ZNF678: variants seen among roughly 807,000 people sequenced by gnomAD.
ZNF678 encodes hypothetical protein MGC42493.
Under a neutral mutation model 3.0 loss-of-function variants are expected in ZNF678, and 5 were observed. The observed-to-expected ratio is 1.69, with a 90% CI of 0.88 to 3.56. The LOEUF is 3.56. Among genes scored for constraint, ZNF678 ranks in the 30% most tolerant of loss-of-function variants. The probability of loss-of-function intolerance (pLI) is 0.00; values close to 1 mark genes in which losing one functional copy is unlikely to be tolerated. For missense variants in ZNF678, 593 were observed against 605.0 expected (o/e 0.98, Z 0.21); for synonymous variants, 218 against 199.6 (o/e 1.09, Z -0.78).
intron 1 of ZNF678, among the ~76,000 whole-genome samples, chr1:227,643,620 C>G (rs746868208): frequency 1.3e-5 from 2 of 152,028 alleles, no homozygotes; most frequent in Non-Finnish European, 1.5e-5. Context: ...AAATGGGAGC[C>G]GAAGACTATA....
chr1:227,650,581 C>A (rs974164742), intron 2 of ZNF678, among the ~76,000 whole-genome samples: 3 of 152,108 alleles, frequency 2.0e-5, no homozygotes, highest in African/African-American at 7.2e-5. Flanking sequence ...GATAATATGA[C>A]ACTTTACAAT....
In ZNF678 at chr1:227,661,434, C is replaced by G. The variant is rs557123679; in HGVS notation, c.*5606C>G. ...GGACTTGTTTTTGATATGCTTTTCC[C>G]AACAATAAGGGACATGAGTCATTGG... On this transcript the variant is annotated 3_prime_UTR_variant, in exon 4 of 4. Transcript: ENST00000343776. 1.3e-5 allele frequency: 2 copies of G among 152,028 alleles called. No individual in the cohort carries two copies. Among genetic ancestry groups the G allele is most frequent in the East Asian group, 3.9e-4 (2 of 5,174 alleles). 9.4% of individuals were successfully genotyped at this position (152,028 alleles called of 1,614,324 possible). A position where few individuals can be genotyped will look rare whatever the true frequency, so the allele number is the denominator to read the frequency against.
intron 1 of ZNF678, among the ~76,000 whole-genome samples, chr1:227,586,024 A>C (rs1303082546): frequency 6.6e-6 from 1 of 152,114 alleles, no homozygotes; most frequent in Non-Finnish European, 1.5e-5. Flanking sequence ...TCCACTTTTC[A>C]GCAATAAAAA....
Position 227,655,583 on chromosome 1 carries a change from T to C in ZNF678, c.1333T>C (p.Ser445Pro), listed in dbSNP as rs1659221599. 1 of 1,612,356 alleles carries C rather than the reference T, an allele frequency of 6.2e-7. No individual in the cohort carries two copies. Among genetic ancestry groups the C allele is most frequent in the Non-Finnish European group, 8.5e-7 (1 of 1,179,226 alleles). ...AGAATGTGGCAAAGCTTTTTACCAA[T>C]CCTCAATCCTTAGTAAGCATAAGAG... ...CKECGKAFYQ[S>P]SILSKHKRIH... The change falls in exon 4 of 4, where the codon TCC (serine) becomes CCC (proline). Residue 445 changes from serine (S) to proline (P), a missense_variant. Ser to Pro is a moderately conservative substitution (Grantham distance 74). Coordinates refer to ENST00000343776, the MANE Select transcript of ZNF678 (RefSeq NM_001367909.1).
At chr1:227,664,579 T>C (rs1285104742), downstream of ZNF678, among the ~76,000 whole-genome samples, 1 of 152,014 alleles carries the variant, frequency 6.6e-6, no homozygotes, top group African/African-American at 2.4e-5. Flanking sequence ...ATGCCTGCAT[T>C]GTTGGAAAGC....
chr1:227,670,380 A>C (rs1382753255), intron 5 of ZNF678, among the ~76,000 whole-genome samples: 1 of 152,224 alleles, frequency 6.6e-6, no homozygotes, highest in Non-Finnish European at 1.5e-5. Context: ...GTGTAATTTG[A>C]ACCAAACATT....
downstream of ZNF678, among the ~76,000 whole-genome samples, chr1:227,665,099 A>T (rs1659480053): frequency 6.6e-6 from 1 of 152,200 alleles, no homozygotes; most frequent in Non-Finnish European, 1.5e-5. Context: ...GGTACAAATG[A>T]GACAAAACTC....
intron 1 of ZNF678, among the ~76,000 whole-genome samples, chr1:227,616,826 A>G (rs943843234): frequency 1.2e-4 from 18 of 152,210 alleles, no homozygotes; most frequent in African/African-American, 3.6e-4. Context: ...AGCTGATTAT[A>G]GGGTACCCCC....
chr1:227,566,655 T>G (rs1656694536), intron 1 of ZNF678, among the ~76,000 whole-genome samples: 1 of 152,242 alleles, frequency 6.6e-6, no homozygotes, highest in Non-Finnish European at 1.5e-5. Context: ...TTAAAAAGAT[T>G]TGTTCACTTA....
chr1:227,602,713 T>C (rs1408459059), intron 1 of ZNF678, among the ~76,000 whole-genome samples: 1 of 152,250 alleles, frequency 6.6e-6, no homozygotes, highest in Non-Finnish European at 1.5e-5. Flanking sequence ...TTCCTCCTCC[T>C]AGCACTTTCC....
intron 1 of ZNF678, among the ~76,000 whole-genome samples, chr1:227,564,240 T>C (rs923670394): frequency 3.9e-4 from 59 of 152,232 alleles, no homozygotes; most frequent in African/African-American, 1.4e-3. Context: ...TTGACGACAG[T>C]TACAGTCACC....
At chr1:227,580,361 G>A (rs572189304) in intron 1 of ZNF678, among the ~76,000 whole-genome samples, 4 of 152,074 alleles carry the variant, frequency 2.6e-5, no homozygotes, top group Admixed American at 2.6e-4. Flanking sequence ...ACTTTCATTA[G>A]TCATACTTTC....
At chr1:227,622,508 G>C (rs1658305525) in intron 1 of ZNF678, among the ~76,000 whole-genome samples, 1 of 152,152 alleles carries the variant, frequency 6.6e-6, no homozygotes, top group African/African-American at 2.4e-5. Flanking sequence ...ACTCGCGTTT[G>C]GCTCAGAATA....
chr1:227,563,590 GTATTCTCGGC>G lies in ZNF678; in HGVS notation c.-293_-284del. The G allele has an allele frequency of 1.1e-6, 1 of 951,758 alleles. No individual in the cohort carries two copies. The highest frequency in any genetic ancestry group is 1.4e-5 in the South Asian group (1 of 74,026). 59.0% of individuals were successfully genotyped at this position (951,758 alleles called of 1,614,324 possible). On this transcript the variant is annotated 5_prime_UTR_variant, in exon 1 of 4. Transcript: ENST00000343776. ...GTGCTCCAGCTGGAGCTTTGGTCCC[GTATTCTCGGC>G]TATTTATCCCCAGCTGCGGGAGGCC...
rs12118294 is a variant in ZNF678 at position 227,601,587 on chromosome 1, C to A, written c.-164+37863C>A. ...TATTTTTATTTTATTTTTTTTGAGA[C>A]GGAGTCTCACTCTGCTGGCCAGGCT... On this transcript the variant is annotated intron_variant, in intron 1 of 3. Coordinates refer to ENST00000343776, the MANE Select transcript of ZNF678 (RefSeq NM_001367909.1). Among the ~76,000 whole-genome samples the A allele has an allele frequency of 2.0e-5, 3 of 150,648 alleles. No individual in the cohort carries two copies. In the East Asian group the frequency reaches 5.8e-4, roughly 29 times the overall value.
At chr1:227,598,853 A>G in intron 1 of ZNF678, 1 of 619,816 alleles carries the variant, frequency 1.6e-6, no homozygotes, top group Non-Finnish European at 3.0e-6. Flanking sequence ...AAGAAGATGA[A>G]TACCTACCAA....
At chr1:227,647,080 C>A (rs902824212) in intron 2 of ZNF678, among the ~76,000 whole-genome samples, 3 of 150,370 alleles carry the variant, frequency 2.0e-5, no homozygotes, top group Admixed American at 6.7e-5. Flanking sequence ...TGGTGAAACC[C>A]CATTTCTACT....
chr1:227,666,814 G>T (rs192111752), downstream of ZNF678, among the ~76,000 whole-genome samples: 7 of 134,634 alleles, frequency 5.2e-5, no homozygotes, highest in Admixed American at 2.5e-4. Context: ...GCAGGATCTT[G>T]GCTCACTCCA....
chr1:227,654,663 C>T lies in ZNF678; in HGVS notation c.413C>T (p.Ser138Leu). ...EECGKVFNRC[S>L]NLTKHKRIHT... ...TGTGGCAAAGTTTTCAATCGATGTTCAAACCTAACAAAACATAAAAGAATT... is the reference window on the plus strand; with the variant it reads ...TGTGGCAAAGTTTTCAATCGATGTTTAAACCTAACAAAACATAAAAGAATT... The change falls in exon 4 of 4, where the codon TCA becomes TTA. Residue 138 changes from serine (S) to leucine (L), a missense_variant. Coordinates refer to ENST00000343776, the MANE Select transcript of ZNF678 (RefSeq NM_001367909.1). 1 of 1,613,166 alleles carries T rather than the reference C, an allele frequency of 6.2e-7. No individual in the cohort carries two copies.
Sources: allele counts gnomAD v4.1 joint callset (sites outside exome capture counted in the v4.1 genomes callset), GRCh38; gene constraint gnomAD v4.1.1; transcripts MANE v1.5; gene names NCBI Gene and HGNC (gene_info 2026-07-23, HGNC 2026-07-21).